ELAPOR2: variants seen among roughly 807,000 people sequenced by gnomAD.
The protein encoded by ELAPOR2 is endosome-lysosome associated apoptosis and autophagy regulator family member 2.
A neutral mutation model predicts 120.7 loss-of-function variants in ELAPOR2; 89 were observed. The observed-to-expected ratio is 0.74, with a 90% CI of 0.62 to 0.88. The LOEUF (loss-of-function observed/expected upper bound fraction) is 0.88. Ranked by LOEUF, ELAPOR2 falls within the 40% of genes least tolerant of loss-of-function variation. The pLI, the probability that ELAPOR2 is intolerant of heterozygous loss-of-function variation, is 0.00. For missense variants in ELAPOR2, 1,134 were observed against 1,251.6 expected (o/e 0.91, Z 1.42); for synonymous variants, 444 against 444.9 (o/e 1.00, Z 0.03).
chr7:86,944,653 T>C (rs10267763), intron 4 of ELAPOR2, among the ~76,000 whole-genome samples: 32,612 of 151,928 alleles, frequency 0.21, 5,626 homozygotes, highest in African/African-American at 0.49. Flanking sequence ...TGAGCATAAC[T>C]AAAAGTTAAC....
intron 1 of ELAPOR2, among the ~76,000 whole-genome samples, chr7:86,993,840 C>A (rs1269633427): frequency 6.6e-6 from 1 of 152,064 alleles, no homozygotes; most frequent in African/African-American, 2.4e-5. Context: ...TCATGTGTTC[C>A]CTCTATTATG....
chr7:86,943,995 T>C (rs1198940669), intron 4 of ELAPOR2, among the ~76,000 whole-genome samples: 1 of 152,062 alleles, frequency 6.6e-6, no homozygotes, highest in East Asian at 1.9e-4. Flanking sequence ...ACTTCAAATC[T>C]AAAGCTCATA....
At chr7:86,919,019 T>C (rs1349926669) in intron 11 of ELAPOR2, among the ~76,000 whole-genome samples, 1 of 152,190 alleles carries the variant, frequency 6.6e-6, no homozygotes, top group Non-Finnish European at 1.5e-5. Context: ...ATCTAAGTAA[T>C]ATATAACTAA....
At chr7:87,046,281 C>G (rs996195030) in intron 1 of ELAPOR2, among the ~76,000 whole-genome samples, 5 of 151,902 alleles carry the variant, frequency 3.3e-5, no homozygotes, top group Non-Finnish European at 7.4e-5. Context: ...ACTATAGAAC[C>G]CTGATGAGAG....
chr7:86,944,672 A>G (rs563330760), intron 4 of ELAPOR2, among the ~76,000 whole-genome samples: 2 of 152,104 alleles, frequency 1.3e-5, no homozygotes, highest in Non-Finnish European at 2.9e-5. Context: ...ACCAAGCCCA[A>G]TGTTATGCTG....
intron 1 of ELAPOR2, among the ~76,000 whole-genome samples, chr7:86,988,545 C>G (rs557611928): frequency 8.7e-4 from 133 of 152,174 alleles, no homozygotes; most frequent in Non-Finnish European, 1.6e-3. Flanking sequence ...GGGACTTGAG[C>G]ATTGGAGGAT....
chr7:86,971,043 A>G (rs540841039), intron 1 of ELAPOR2, among the ~76,000 whole-genome samples: 1 of 152,290 alleles, frequency 6.6e-6, no homozygotes, highest in South Asian at 2.1e-4. Context: ...ATGAAAGTAC[A>G]TAAGGTTTCT....
Position 86,893,002 on chromosome 7 carries a change from C to T in ELAPOR2, c.2784G>A (p.Leu928=). 1.3e-6 allele frequency: 2 copies of T among 1,582,874 alleles called. No individual in the cohort carries two copies. The highest frequency in any genetic ancestry group is 8.5e-7 in the Non-Finnish European group (1 of 1,169,662). ...LATCETVDFW[L]KVGAGVGAFT... ...AAGCTCCCACACCGGCTCCCACCTT[C>T]AGCCAAAAGTCAACCGTTTCACAGG... The change falls in exon 20 of 22, where the codon CTG becomes CTA. Residue 928 remains leucine (L), a synonymous_variant. Transcript: ENST00000450689.
At position 86,905,034 on chromosome 7, in the gene ELAPOR2, GATGA is replaced by G. The variant is rs568669494; in HGVS notation, c.2558+2632_2558+2635del. Among the ~76,000 whole-genome samples, 67 of 144,240 alleles carry G rather than the reference GATGA, an allele frequency of 4.6e-4. 1 individual carries two copies. The South Asian group carries it at 9.7e-3, about 21-fold the overall frequency. The allele number at this position is 144,240 out of a possible 152,430, so 94.6% of individuals were successfully genotyped here. On this transcript the variant is annotated intron_variant, in intron 18 of 21. Transcript: ENST00000450689. ...AGCTGAAAGAATGAATGAATGAATG[GATGA>G]ATGAATGAATGAATGAGAAAGACAG...
rs544170432 is a variant in ELAPOR2 at position 86,934,313 on chromosome 7, T to A, written c.1089+3813A>T. On this transcript the variant is annotated intron_variant, in intron 8 of 21. Coordinates refer to ENST00000450689, the MANE Select transcript of ELAPOR2 (RefSeq NM_001142749.3). ...GTATAGTGCCTTACACAACTTGATA[T>A]GTAGTAAGCCCCACAAATATCTGGT... Among the ~76,000 whole-genome samples, 77 of 152,174 alleles carry A rather than the reference T, an allele frequency of 5.1e-4. No individual in the cohort carries two copies. In the South Asian group the frequency reaches 0.016, roughly 31 times the overall value.
At chr7:86,913,740 T>A (rs1435230041) in intron 13 of ELAPOR2, among the ~76,000 whole-genome samples, 1 of 152,192 alleles carries the variant, frequency 6.6e-6, no homozygotes, top group Non-Finnish European at 1.5e-5. Context: ...GTCCTTTCCC[T>A]AATCAACATA....
At chr7:86,964,070 T>C (rs1423701746) in intron 2 of ELAPOR2, among the ~76,000 whole-genome samples, 1 of 152,198 alleles carries the variant, frequency 6.6e-6, no homozygotes, top group Non-Finnish European at 1.5e-5. Flanking sequence ...AGATTAGTTA[T>C]CCAGTTAAGA....
At chr7:86,985,161 A>G (rs1792673378) in intron 1 of ELAPOR2, among the ~76,000 whole-genome samples, 1 of 152,246 alleles carries the variant, frequency 6.6e-6, no homozygotes, top group African/African-American at 2.4e-5. Context: ...GAATCTCTGA[A>G]TAGACCAATA....
chr7:86,886,728 G>A (rs1163163875), intron 21 of ELAPOR2, among the ~76,000 whole-genome samples: 1 of 152,152 alleles, frequency 6.6e-6, no homozygotes, highest in Non-Finnish European at 1.5e-5. Flanking sequence ...CCAGTGGCAT[G>A]TAGGCCTCAC....
intron 1 of ELAPOR2, among the ~76,000 whole-genome samples, chr7:86,975,089 C>A (rs1367575223): frequency 6.6e-6 from 1 of 152,128 alleles, no homozygotes; most frequent in South Asian, 2.1e-4. Context: ...GAAAAGAGAA[C>A]AAAGAGATGA....
chr7:86,984,791 C>A (rs201588998), intron 1 of ELAPOR2, among the ~76,000 whole-genome samples: 1 of 152,084 alleles, frequency 6.6e-6, no homozygotes, highest in Non-Finnish European at 1.5e-5. Context: ...GAAGCAAGAA[C>A]AAACACATTC....
intron 13 of ELAPOR2, among the ~76,000 whole-genome samples, chr7:86,914,075 C>T (rs1292955275): frequency 6.6e-6 from 1 of 152,136 alleles, no homozygotes; most frequent in African/African-American, 2.4e-5. Flanking sequence ...TACATTGCCA[C>T]CATAGCATTA....
intron 18 of ELAPOR2, among the ~76,000 whole-genome samples, chr7:86,902,124 C>T (rs946622401): frequency 1.2e-4 from 18 of 152,050 alleles, no homozygotes; most frequent in African/African-American, 4.3e-4. Flanking sequence ...TTGCTGCATC[C>T]TCATGTGGTG....
chr7:86,917,806 G>A (rs1459565041), intron 12 of ELAPOR2, among the ~76,000 whole-genome samples: 1 of 148,740 alleles, frequency 6.7e-6, no homozygotes, highest in African/African-American at 2.5e-5. Context: ...AAGGTCATTG[G>A]GAAAAAAAAA....
Sources: allele counts gnomAD v4.1 joint callset (sites outside exome capture counted in the v4.1 genomes callset), GRCh38; gene constraint gnomAD v4.1.1; transcripts MANE v1.5; gene names NCBI Gene and HGNC (gene_info 2026-07-23, HGNC 2026-07-21).